The following NTM variants were observed in gnomAD, a reference collection of about 807,000 sequenced individuals.
The protein encoded by NTM is neurotrimin.
Under a neutral mutation model 42.1 loss-of-function variants are expected in NTM, and 13 were observed. The ratio of observed to expected loss-of-function variants is 0.31; its 90% CI spans 0.20 to 0.49. NTM has a LOEUF of 0.49. Ranked by LOEUF, NTM falls within the 20% of genes least tolerant of loss-of-function variation. The pLI is 0.99. For missense variants in NTM, 373 were observed against 452.8 expected, an observed-to-expected ratio of 0.82 and a Z score of 1.60; for synonymous variants, 187 against 179.2, an observed-to-expected ratio of 1.04 and a Z score of -0.35.
At chr11:132,092,053 A>G (rs2060439272) in intron 2 of NTM, among the ~76,000 whole-genome samples, 1 of 152,208 alleles carries the variant, frequency 6.6e-6, no homozygotes, top group Admixed American at 6.5e-5. Flanking sequence ...ACCCAAAGCT[A>G]GATCTTCTAG....
At chr11:131,641,382 C>T (rs1393340728) in intron 1 of NTM, among the ~76,000 whole-genome samples, 1 of 152,196 alleles carries the variant, frequency 6.6e-6, no homozygotes, top group Non-Finnish European at 1.5e-5. Context: ...ATCTGTTTCA[C>T]ATTGGAACAC....
chr11:132,269,787 C>T (rs2093390184), intron 4 of NTM, among the ~76,000 whole-genome samples: 2 of 152,142 alleles, frequency 1.3e-5, no homozygotes, highest in South Asian at 4.1e-4. Flanking sequence ...CCAGAAAAAT[C>T]CCATCACTCA....
chr11:131,432,839 C>CATT lies in NTM; in HGVS notation c.82+61951_82+61952insATT, dbSNP rs1565494793. Among the ~76,000 whole-genome samples, 38 of 68,702 alleles carry CATT rather than the reference C, an allele frequency of 5.5e-4. 2 individuals carry two copies. Among genetic ancestry groups the CATT allele is most frequent in the South Asian group, 1.1e-3 (2 of 1,748 alleles). The allele number at this position is 68,702 out of a possible 152,430, so 45.1% of individuals were successfully genotyped here. ...CTACAAAAGATGAAGATTTAGCATT[C>CATT]TTTTTTTTTTTTTTTTTTTTTTTTT... On this transcript the variant is annotated intron_variant, in intron 1 of 8. Coordinates refer to ENST00000683400, the MANE Select transcript of NTM (RefSeq NM_001352005.2).
At chr11:131,520,289 A>G (rs1039114855) in intron 1 of NTM, among the ~76,000 whole-genome samples, 3 of 152,194 alleles carry the variant, frequency 2.0e-5, no homozygotes, top group Non-Finnish European at 2.9e-5. Flanking sequence ...TGATAATCAG[A>G]TATTAAAACT....
intron 1 of NTM, among the ~76,000 whole-genome samples, chr11:131,874,927 C>T (rs534576540): frequency 6.6e-6 from 1 of 152,104 alleles, no homozygotes; most frequent in African/African-American, 2.4e-5. Flanking sequence ...TATTAACTAA[C>T]TATGTAAAGA....
At chr11:131,593,038 A>C (rs2059517686) in intron 1 of NTM, among the ~76,000 whole-genome samples, 1 of 152,196 alleles carries the variant, frequency 6.6e-6, no homozygotes, top group Non-Finnish European at 1.5e-5. Flanking sequence ...CCCTTGCCTA[A>C]GTGTCAAGCA....
chr11:131,795,107 A>T (rs1277961024), intron 1 of NTM: 1 of 548,742 alleles, frequency 1.8e-6, no homozygotes, highest in African/African-American at 2.0e-5. Flanking sequence ...TTTATTCTTT[A>T]CTTTTTCATT....
chr11:132,124,932 G>A (rs1217740168), intron 2 of NTM, among the ~76,000 whole-genome samples: 1 of 152,220 alleles, frequency 6.6e-6, no homozygotes, highest in Non-Finnish European at 1.5e-5. Flanking sequence ...AGGCTGGTTG[G>A]AGGCTGCAGG....
intron 1 of NTM, among the ~76,000 whole-genome samples, chr11:131,884,380 G>T (rs1224950634): frequency 6.6e-6 from 1 of 152,084 alleles, no homozygotes; most frequent in Non-Finnish European, 1.5e-5. Flanking sequence ...TTGCACTCCA[G>T]CCTGAGCAAC....
At chr11:132,259,470 A>G (rs1209977312) in intron 4 of NTM, among the ~76,000 whole-genome samples, 1 of 152,014 alleles carries the variant, frequency 6.6e-6, no homozygotes, top group African/African-American at 2.4e-5. Flanking sequence ...TCACAAGGTC[A>G]GGAGTTTGAG....
At chr11:132,234,438 T>C (rs149858697) in intron 4 of NTM, among the ~76,000 whole-genome samples, 18 of 152,290 alleles carry the variant, frequency 1.2e-4, no homozygotes, top group Admixed American at 4.6e-4. Context: ...TCTTCCTGCC[T>C]CTTCACCCTC....
chr11:131,598,848 T>TTCCTTCCTTC lies in NTM; in HGVS notation c.82+227960_82+227961insTCCTTCCTTC, dbSNP rs1565686543. Among the ~76,000 whole-genome samples, 59 of 41,238 alleles carry TTCCTTCCTTC rather than the reference T, an allele frequency of 1.4e-3. 7 individuals are homozygous for TTCCTTCCTTC. Among genetic ancestry groups the TTCCTTCCTTC allele is most frequent in the African/African-American group, 4.4e-3 (57 of 12,944 alleles). The allele number at this position is 41,238 out of a possible 152,430, so 27.1% of individuals were successfully genotyped here. ...TTTCTTCTTTCTTTCTTTCTTTCTT[T>TTCCTTCCTTC]CTTCCTTCCTTCCTTCCTTCCTTCC... On this transcript the variant is annotated intron_variant, in intron 1 of 8. Coordinates refer to ENST00000683400, the MANE Select transcript of NTM (RefSeq NM_001352005.2).
chr11:131,826,421 A>T (rs2042132592), intron 1 of NTM, among the ~76,000 whole-genome samples: 1 of 152,108 alleles, frequency 6.6e-6, no homozygotes, highest in Non-Finnish European at 1.5e-5. Context: ...GGGAGGGTGG[A>T]TGATCATCAG....
intron 1 of NTM, among the ~76,000 whole-genome samples, chr11:131,521,420 T>TC (rs2049691441): frequency 1.3e-5 from 1 of 76,898 alleles, no homozygotes; most frequent in Admixed American, 1.5e-4. Flanking sequence ...TTTTTTTTTT[T>TC]TTGAGACGGG....
chr11:132,215,774 G>T (rs896267509), intron 4 of NTM, among the ~76,000 whole-genome samples: 6 of 152,190 alleles, frequency 3.9e-5, no homozygotes, highest in African/African-American at 1.4e-4. Flanking sequence ...AAAGATTCCT[G>T]CCCTGACTCT....
chr11:132,320,080 A>G (rs765386868), intron 7 of NTM, among the ~76,000 whole-genome samples: 7 of 152,250 alleles, frequency 4.6e-5, no homozygotes, highest in African/African-American at 9.6e-5. Context: ...GAAAACTAAC[A>G]AACAGAAAGG....
At chr11:132,097,125 T>G (rs2061098287) in intron 2 of NTM, among the ~76,000 whole-genome samples, 1 of 152,206 alleles carries the variant, frequency 6.6e-6, no homozygotes, top group Admixed American at 6.5e-5. Flanking sequence ...TAAATGGAAT[T>G]CCTGAGAATT....
At chr11:132,232,988 A>T (rs991248394) in intron 4 of NTM, among the ~76,000 whole-genome samples, 1 of 152,228 alleles carries the variant, frequency 6.6e-6, no homozygotes, top group African/African-American at 2.4e-5. Context: ...AAGTTCACCT[A>T]ACCATTTCAC....
At chr11:131,941,396 G>A (rs946324278) in intron 2 of NTM, among the ~76,000 whole-genome samples, 2 of 152,266 alleles carry the variant, frequency 1.3e-5, no homozygotes, top group South Asian at 4.1e-4. Context: ...ATGGGGATAT[G>A]GATTCAAATC....
Sources: allele counts gnomAD v4.1 joint callset (sites outside exome capture counted in the v4.1 genomes callset), GRCh38; gene constraint gnomAD v4.1.1; transcripts MANE v1.5; gene names NCBI Gene and HGNC (gene_info 2026-07-23, HGNC 2026-07-21).